The following CACNA1D variants were observed in gnomAD, a reference collection of about 807,000 sequenced individuals.
The protein encoded by CACNA1D is voltage-dependent L-type calcium channel subunit alpha-1D.
A neutral mutation model predicts 257.1 loss-of-function variants in CACNA1D; 55 were observed. That is an observed-to-expected ratio of 0.21 (90% CI 0.17 to 0.27). The LOEUF (loss-of-function observed/expected upper bound fraction) is 0.27. Ranked by LOEUF, CACNA1D falls within the 10% of genes least tolerant of loss-of-function variation. CACNA1D has a pLI of 1.00. For synonymous variants in CACNA1D, 980 were observed against 1,014.9 expected (o/e 0.97, Z 0.65); for missense variants, 1,876 against 2,784.0 (o/e 0.67, Z 7.34).
At chr3:53,677,671 G>A (rs2094389880) in intron 8 of CACNA1D, among the ~76,000 whole-genome samples, 1 of 152,186 alleles carries the variant, frequency 6.6e-6, no homozygotes, top group African/African-American at 2.4e-5. Context: ...TGGAGAATGT[G>A]GAAGCACTGT....
rs1335650235 is a variant in CACNA1D, at chr3:53,660,149, T to G, written c.640T>G (p.Leu214Val). Residue 214 changes from leucine to valine, a missense_variant, in exon 5 of 48, where the codon TTG becomes GTG. Physicochemically the swap from Leu to Val is conservative, Grantham distance 32 (BLOSUM62 1). This residue lies in a region of CACNA1D where 188 missense variants were observed against 390.4 expected (regional missense o/e 0.48). Transcript: ENST00000350061. ...IVIVGLFSVI[L>V]EQLTKETEGG... ...TTCTTTCAGATTGTTTAGTGTAATT[T>G]TGGAACAATTAACCAAAGAAACAGA... 6.2e-7 allele frequency: 1 copy of G among 1,613,892 alleles called. No homozygotes were observed.
chr3:53,679,854 C>T (rs879461773), intron 8 of CACNA1D: 7 of 152,110 alleles, frequency 4.6e-5, no homozygotes, highest in Non-Finnish European at 1.0e-4. Context: ...GTTAGGGTGC[C>T]GGAAAGATTC....
chr3:53,633,802 A>G (rs1185359084), intron 3 of CACNA1D, among the ~76,000 whole-genome samples: 2 of 152,192 alleles, frequency 1.3e-5, no homozygotes, highest in Non-Finnish European at 2.9e-5. Context: ...GTAAGACTGG[A>G]TGGTACAGTT....
intron 8 of CACNA1D, among the ~76,000 whole-genome samples, chr3:53,676,103 T>G (rs1403091112): frequency 6.6e-6 from 1 of 152,194 alleles, no homozygotes; most frequent in African/African-American, 2.4e-5. Flanking sequence ...GGCCTTGTGC[T>G]TAGGCGTTCA....
chr3:53,512,754 A>G (rs1337713622), intron 3 of CACNA1D, among the ~76,000 whole-genome samples: 1 of 152,162 alleles, frequency 6.6e-6, no homozygotes, highest in African/African-American at 2.4e-5. Context: ...TGTCTCTTTA[A>G]AGCAAGCTGG....
At chr3:53,636,408 A>G (rs1272381504) in intron 3 of CACNA1D, among the ~76,000 whole-genome samples, 2 of 152,126 alleles carry the variant, frequency 1.3e-5, no homozygotes, top group South Asian at 2.1e-4. Context: ...GGTTCAAACA[A>G]TTCTCCTGCC....
At chr3:53,802,104 T>G in intron 42 of CACNA1D, 43 bp from the exon 43 acceptor site, 1 of 1,549,166 alleles carries the variant, frequency 6.5e-7, no homozygotes, top group Non-Finnish European at 8.9e-7. Flanking sequence ...GAAATTAACT[T>G]TTATCTTCTC....
intron 47 of CACNA1D, among the ~76,000 whole-genome samples, chr3:53,810,777 A>AAC (rs1553692556): frequency 2.7e-5 from 4 of 149,486 alleles, no homozygotes; most frequent in Non-Finnish European, 3.0e-5. Context: ...AAAAAAAAAA[A>AAC]AAAAAAAAAC....
intron 3 of CACNA1D, 52 bp from the exon 4 acceptor site, chr3:53,650,727 C>T: frequency 2.5e-6 from 4 of 1,597,300 alleles, no homozygotes; most frequent in Non-Finnish European, 3.4e-6. Flanking sequence ...TCTGTCTCCT[C>T]TTCCTCCCCT....
chr3:53,687,196 T>G (rs940757470), intron 8 of CACNA1D, among the ~76,000 whole-genome samples: 1 of 152,100 alleles, frequency 6.6e-6, no homozygotes, highest in African/African-American at 2.4e-5. Flanking sequence ...TGTTAAGATG[T>G]CCATTTTTCT....
At chr3:53,626,588 CA>C (rs1020264688) in intron 3 of CACNA1D, among the ~76,000 whole-genome samples, 2 of 151,918 alleles carry the variant, frequency 1.3e-5, no homozygotes, top group African/African-American at 4.8e-5. Flanking sequence ...TAAAGTCAAA[CA>C]TGGATAAAGT....
At chr3:53,744,378 C>G (rs574216828) in intron 22 of CACNA1D, among the ~76,000 whole-genome samples, 1 of 152,344 alleles carries the variant, frequency 6.6e-6, no homozygotes, top group East Asian at 1.9e-4. Context: ...CAAAGTGCTA[C>G]AGCAGACCTC....
chr3:53,749,806 G>T (rs748351243), intron 27 of CACNA1D, among the ~76,000 whole-genome samples: 14 of 152,230 alleles, frequency 9.2e-5, no homozygotes, highest in Admixed American at 4.6e-4. Flanking sequence ...GACATTCACA[G>T]TCCCTACTGG....
intron 3 of CACNA1D, among the ~76,000 whole-genome samples, chr3:53,504,708 C>G (rs1575691394): frequency 6.6e-6 from 1 of 151,762 alleles, no homozygotes; most frequent in East Asian, 1.9e-4. Flanking sequence ...TTTTTTAGCA[C>G]AGAGGAGGGG....
intron 3 of CACNA1D, among the ~76,000 whole-genome samples, chr3:53,575,751 G>A (rs538313364): frequency 3.9e-5 from 6 of 152,078 alleles, no homozygotes; most frequent in African/African-American, 7.2e-5. Context: ...AGTCGTGTCC[G>A]TTTAAAAAAA....
At chr3:53,632,916 A>C (rs1376256060) in intron 3 of CACNA1D, among the ~76,000 whole-genome samples, 3 of 152,248 alleles carry the variant, frequency 2.0e-5, no homozygotes, top group Non-Finnish European at 4.4e-5. Context: ...ATACGATAAA[A>C]ATGAAACAGT....
rs1296020640 is a variant in CACNA1D at position 53,813,440 on chromosome 3, C to G, written c.*2034C>G. 1 of 152,218 alleles carries G rather than the reference C, an allele frequency of 6.6e-6. No individual in the cohort carries two copies. The highest frequency in any genetic ancestry group is 1.5e-5 in the Non-Finnish European group (1 of 68,048). The allele number at this position is 152,218 out of a possible 1,614,324, so 9.4% of individuals were successfully genotyped here. On this transcript the variant is annotated 3_prime_UTR_variant, in exon 48 of 48. Coordinates refer to ENST00000350061, the MANE Select transcript of CACNA1D (RefSeq NM_001128840.3). ...ATGGATATTCTTATCCTCCTGGTTCCTTCGGTGCCAATGGTAACCTAATAC... is the reference window on the plus strand; with the variant it reads ...ATGGATATTCTTATCCTCCTGGTTCGTTCGGTGCCAATGGTAACCTAATAC...
Position 53,555,697 on chromosome 3 carries a change from G to C in CACNA1D, c.483+53977G>C, listed in dbSNP as rs75730079. On this transcript the variant is annotated intron_variant, in intron 3 of 47. Transcript: ENST00000350061. ...CAGTTGCGCCTGACCTTTTGGGAAG[G>C]AAGAATCTTTAAACCCTGTTTGCAT... Among the ~76,000 whole-genome samples, 1,184 of 152,062 alleles carry C rather than the reference G, an allele frequency of 7.8e-3. 23 individuals carry two copies. The highest frequency in any genetic ancestry group is 0.027 in the African/African-American group (1,122 of 41,432).
At position 53,745,884 on chromosome 3, in the gene CACNA1D, C is replaced by G. The variant is rs375959064; in HGVS notation, c.3167+9C>G. ...AACCCTGAAGAATGCAGGTGAGCGT[C>G]CTGAGAGTGGAGTAGGGGACTTAGA... is the stretch of plus-strand genomic sequence containing the variant. On this transcript the variant is annotated intron_variant, in intron 25 of 47. Transcript: ENST00000350061. 4 of 1,609,216 alleles carry G rather than the reference C, an allele frequency of 2.5e-6. No homozygotes were observed. Among genetic ancestry groups the G allele is most frequent in the African/African-American group, 2.7e-5 (2 of 74,926 alleles).
Sources: gnomAD v4.1 joint callset for allele counts (sites outside exome capture counted in the v4.1 genomes callset) on GRCh38, gnomAD v4.1.1 for gene constraint, gnomAD v4.1.1 regional missense constraint, MANE v1.5 for transcripts, NCBI Gene and HGNC (gene_info 2026-07-23, HGNC 2026-07-21) for gene names.